The following AK4 variants were observed in gnomAD, a reference collection of about 807,000 sequenced individuals.
The protein encoded by AK4 is adenylate kinase 4, mitochondrial.
A neutral mutation model predicts 24.6 loss-of-function variants in AK4; 13 were observed. That is an observed-to-expected ratio of 0.53 (90% CI 0.34 to 0.84). The LOEUF (loss-of-function observed/expected upper bound fraction) is 0.84. Among genes scored for constraint, AK4 ranks in the 40% least tolerant of loss-of-function variants. The pLI, the probability that AK4 is intolerant of heterozygous loss-of-function variation, is 0.01. For missense variants in AK4, 192 were observed against 288.2 expected, an observed-to-expected ratio of 0.67 and a Z score of 2.42; for synonymous variants, 88 against 107.0, an observed-to-expected ratio of 0.82 and a Z score of 1.10.
chr1:65,167,253 T>C (rs1165413105), intron 1 of AK4, among the ~76,000 whole-genome samples: 1 of 152,230 alleles, frequency 6.6e-6, no homozygotes, highest in Non-Finnish European at 1.5e-5. Flanking sequence ...TGCTGATATA[T>C]CTGATTCAAC....
intron 1 of AK4, among the ~76,000 whole-genome samples, chr1:65,167,168 G>C (rs1650360179): frequency 2.6e-5 from 4 of 152,132 alleles, no homozygotes; most frequent in Admixed American, 2.6e-4. Context: ...TCATTGTTAA[G>C]AGGGGCAGTT....
rs1393035219 is a variant in AK4, at chr1:65,148,569, A to G, written c.145+17A>G. 6.3e-7 allele frequency: 1 copy of G among 1,589,730 alleles called. No homozygotes were observed. The highest frequency in any genetic ancestry group is 8.6e-7 in the Non-Finnish European group (1 of 1,167,792). On this transcript the variant is annotated intron_variant, in intron 1 of 4. Transcript: ENST00000327299. ...CCAGCACCGGTGAGGGGCTGCGGGG[A>G]CGAGGGCCGGGGGCGAGCCGCGTTG...
At chr1:65,184,403 A>G (rs956608189) in intron 1 of AK4, among the ~76,000 whole-genome samples, 1 of 152,220 alleles carries the variant, frequency 6.6e-6, no homozygotes, top group East Asian at 1.9e-4. Context: ...TAATCTTATA[A>G]ACACATGATG....
intron 2 of AK4, among the ~76,000 whole-genome samples, chr1:65,195,468 T>G (rs1255724508): frequency 6.6e-6 from 1 of 152,226 alleles, no homozygotes; most frequent in Non-Finnish European, 1.5e-5. Context: ...CTTCTCATCT[T>G]GCAAAATGAA....
At chr1:65,185,214 G>A (rs945166312) in intron 1 of AK4, among the ~76,000 whole-genome samples, 1 of 152,030 alleles carries the variant, frequency 6.6e-6, no homozygotes, top group African/African-American at 2.4e-5. Context: ...AAGGGCCTGC[G>A]ACCCATGTAG....
chr1:65,150,893 T>A (rs1557433529), intron 1 of AK4, among the ~76,000 whole-genome samples: 1 of 152,194 alleles, frequency 6.6e-6, no homozygotes, highest in Non-Finnish European at 1.5e-5. Flanking sequence ...GCCATTCTGA[T>A]GTCATTGCTT....
At chr1:65,159,969 CAAA>C (rs951802334) in intron 1 of AK4, among the ~76,000 whole-genome samples, 3 of 63,356 alleles carry the variant, frequency 4.7e-5, no homozygotes, top group Non-Finnish European at 7.0e-5. Context: ...ACTATGTCTC[CAAA>C]AAAAAAAAAA....
chr1:65,161,403 G>C (rs146806919), intron 1 of AK4, among the ~76,000 whole-genome samples: 1 of 152,168 alleles, frequency 6.6e-6, no homozygotes, highest in Non-Finnish European at 1.5e-5. Context: ...TTCCCAGGAG[G>C]CATGGCGGTG....
intron 2 of AK4, among the ~76,000 whole-genome samples, chr1:65,208,289 T>C (rs1187577523): frequency 6.6e-6 from 1 of 152,186 alleles, no homozygotes; most frequent in Non-Finnish European, 1.5e-5. Context: ...AGGTCTTTGA[T>C]ACATGTACAA....
At position 65,190,828 on chromosome 1, in the gene AK4, T is replaced by C. The variant is rs1651282629; in HGVS notation, c.264T>C (p.Asp88=). The change falls in exon 2 of 5, where the codon GAT becomes GAC. Residue 88 remains aspartate, a splice_region_variant and synonymous_variant. Transcript: ENST00000327299. ...GGCGTGGCCAGCACTGGCTCCTTGA[T>C]GGTGAGTTGAAACTGTGGGTAAACC... is the stretch of plus-strand genomic sequence containing the variant. The part of the protein sequence containing the change: ...ENRRGQHWLL[D]GFPRTLGQAE... The C allele has an allele frequency of 2.5e-6, 4 of 1,613,590 alleles. No homozygotes were observed. The highest frequency in any genetic ancestry group is 1.3e-5 in the African/African-American group (1 of 74,924).
At chr1:65,188,632 C>T (rs1262490070) in intron 1 of AK4, among the ~76,000 whole-genome samples, 2 of 151,600 alleles carry the variant, frequency 1.3e-5, no homozygotes, top group Admixed American at 1.3e-4. Context: ...GCGCCTATCA[C>T]CACACCTGGC....
intron 2 of AK4, among the ~76,000 whole-genome samples, chr1:65,211,625 A>G (rs1013943391): frequency 6.6e-6 from 1 of 152,196 alleles, no homozygotes; most frequent in African/African-American, 2.4e-5. Context: ...TAAAATGGGG[A>G]TAAGGCCTAC....
At chr1:65,150,166 T>C (rs1169838265) in intron 1 of AK4, among the ~76,000 whole-genome samples, 3 of 152,206 alleles carry the variant, frequency 2.0e-5, no homozygotes, top group Non-Finnish European at 2.9e-5. Flanking sequence ...ACTGGACTCA[T>C]AGCCCTTTCC....
chr1:65,196,171 C>T (rs554154544), intron 2 of AK4, among the ~76,000 whole-genome samples: 15 of 152,200 alleles, frequency 9.9e-5, no homozygotes, highest in Middle Eastern at 3.4e-3. Context: ...ACATGCTCTG[C>T]GGAGGACGTG....
intron 2 of AK4, among the ~76,000 whole-genome samples, chr1:65,207,630 C>T (rs1219050616): frequency 1.3e-5 from 2 of 148,176 alleles, no homozygotes; most frequent in Non-Finnish European, 3.0e-5. Context: ...GGGTAAATTT[C>T]GTGTACAGAT....
chr1:65,188,132 T>A (rs914495630), intron 1 of AK4, among the ~76,000 whole-genome samples: 2 of 152,100 alleles, frequency 1.3e-5, no homozygotes, highest in African/African-American at 4.8e-5. Flanking sequence ...TGGTGTCTCA[T>A]GCCTGTAATC....
At chr1:65,161,031 C>T (rs1650142188) in intron 1 of AK4, among the ~76,000 whole-genome samples, 1 of 152,066 alleles carries the variant, frequency 6.6e-6, no homozygotes, top group Non-Finnish European at 1.5e-5. Flanking sequence ...TGCTGAGGCT[C>T]AGAAGGCCCT....
At chr1:65,164,488 C>T (rs1391752292) in intron 1 of AK4, among the ~76,000 whole-genome samples, 1 of 152,034 alleles carries the variant, frequency 6.6e-6, no homozygotes, top group Non-Finnish European at 1.5e-5. Context: ...TTCATTGTGG[C>T]TTTGATTTGT....
At chr1:65,175,633 T>C (rs1219265507) in intron 1 of AK4, among the ~76,000 whole-genome samples, 1 of 152,212 alleles carries the variant, frequency 6.6e-6, no homozygotes, top group African/African-American at 2.4e-5. Context: ...ACAGGGAGGC[T>C]GTTCTATGGT....
Sources: gnomAD v4.1 joint callset for allele counts (sites outside exome capture counted in the v4.1 genomes callset) on GRCh38, gnomAD v4.1.1 for gene constraint, MANE v1.5 for transcripts, NCBI Gene and HGNC (gene_info 2026-07-23, HGNC 2026-07-21) for gene names.